The following GLG1 variants were observed in gnomAD, a reference collection of about 807,000 sequenced individuals.
GLG1 encodes golgi glycoprotein 1.
Under a neutral mutation model 160.5 loss-of-function variants are expected in GLG1, and 38 were observed. That is an observed-to-expected ratio of 0.24 (90% confidence interval 0.18 to 0.31). The LOEUF (loss-of-function observed/expected upper bound fraction) is 0.31. Ranked by LOEUF, GLG1 falls within the 10% of genes least tolerant of loss-of-function variation. The pLI is 1.00. For missense variants in GLG1, 1,373 were observed against 1,505.2 expected (o/e 0.91, Z 1.45); for synonymous variants, 644 against 543.4 (o/e 1.19, Z -2.57).
intron 22 of GLG1, among the ~76,000 whole-genome samples, chr16:74,461,034 C>CT (rs1410859999): frequency 6.6e-6 from 1 of 152,168 alleles, no homozygotes; most frequent in Non-Finnish European, 1.5e-5. Flanking sequence ...TATGAGTGAG[C>CT]TTTTTTGTAA....
intron 1 of GLG1, among the ~76,000 whole-genome samples, chr16:74,559,055 T>C (rs997935606): frequency 6.6e-5 from 10 of 152,072 alleles, no homozygotes; most frequent in African/African-American, 2.4e-4. Context: ...TGACTCATTT[T>C]TTAGATTTTT....
intron 1 of GLG1, among the ~76,000 whole-genome samples, chr16:74,580,695 C>T (rs1015238486): frequency 1.3e-5 from 2 of 152,002 alleles, no homozygotes; most frequent in African/African-American, 4.8e-5. Flanking sequence ...AAGTTGAAGA[C>T]GACCAAATCA....
intron 4 of GLG1, among the ~76,000 whole-genome samples, chr16:74,498,906 T>A (rs889873011): frequency 3.0e-5 from 4 of 134,906 alleles, no homozygotes; most frequent in Non-Finnish European, 6.3e-5. Context: ...TAAAACCAAG[T>A]AGCGTAACAT....
At chr16:74,506,838 CA>C (rs976274284) in intron 3 of GLG1, among the ~76,000 whole-genome samples, 4 of 151,800 alleles carry the variant, frequency 2.6e-5, no homozygotes, top group African/African-American at 9.7e-5. Context: ...AGATGAACAG[CA>C]AAAAAGGGGC....
chr16:74,549,384 C>A (rs2018137106), intron 1 of GLG1, among the ~76,000 whole-genome samples: 1 of 152,052 alleles, frequency 6.6e-6, no homozygotes, highest in African/African-American at 2.4e-5. Context: ...AGCTCCGCCT[C>A]CTGGGTTCAC....
rs368590337 is a variant in GLG1, at chr16:74,458,046, G to C, written c.3145-52C>G. 5 of 1,585,920 alleles carry C rather than the reference G, an allele frequency of 3.2e-6. No homozygotes were observed. The African/African-American group carries it at 5.4e-5, about 17-fold the overall frequency. On this transcript the variant is annotated intron_variant, in intron 23 of 25. Transcript: ENST00000422840. ...GAGCTTTTGAAGGGGAAATGCATCA[G>C]ATCTGTTGTCTGTAAATACTTCATA... is the stretch of plus-strand genomic sequence containing the variant.
chr16:74,588,980 G>A (rs1401377096), intron 1 of GLG1, among the ~76,000 whole-genome samples: 2 of 151,372 alleles, frequency 1.3e-5, no homozygotes, highest in African/African-American at 2.4e-5. Context: ...GGTGGCTCAT[G>A]CTTGTAATGC....
chr16:74,595,150 T>G (rs368201723), intron 1 of GLG1, among the ~76,000 whole-genome samples: 72 of 150,706 alleles, frequency 4.8e-4, no homozygotes, highest in African/African-American at 1.7e-3. Context: ...ATCGCGCCAC[T>G]GCAATCTAGC....
At position 74,466,706 on chromosome 16, in the gene GLG1, T is replaced by G. The variant is rs140904997; in HGVS notation, c.2530-893A>C. ...AATAAGAATCAAGAATAGGTAGTTA[T>G]GAAAAGAAGCAATGAGAAAGCTAGG... On this transcript the variant is annotated intron_variant, in intron 18 of 25. Transcript: ENST00000422840. Among the ~76,000 whole-genome samples, 271 of 152,196 alleles carry G rather than the reference T, an allele frequency of 1.8e-3. 2 individuals are homozygous for G. The South Asian group carries it at 0.025, about 14-fold the overall frequency.
At position 74,453,340 on chromosome 16, in the gene GLG1, A is replaced by T; in HGVS notation, c.3373-6T>A. On this transcript the variant is annotated splice_region_variant and splice_polypyrimidine_tract_variant and intron_variant, in intron 25 of 25. Coordinates refer to ENST00000422840, the MANE Select transcript of GLG1 (RefSeq NM_001145667.2). Reference sequence around the variant, plus strand: ...AAGCCATCTGCTGGGGCCACCTAGAATGACACAAGGCAATGTGATTCTCTG... The same window carrying T: ...AAGCCATCTGCTGGGGCCACCTAGATTGACACAAGGCAATGTGATTCTCTG... The T allele has an allele frequency of 1.9e-6, 3 of 1,602,794 alleles. No individual in the cohort carries two copies. The highest frequency in any genetic ancestry group is 2.6e-6 in the Non-Finnish European group (3 of 1,169,818).
chr16:74,573,818 G>A (rs961111706), intron 1 of GLG1, among the ~76,000 whole-genome samples: 6 of 150,922 alleles, frequency 4.0e-5, no homozygotes, highest in African/African-American at 1.2e-4. Flanking sequence ...TTTTTAAACG[G>A]GGTCTCACTC....
Position 74,447,818 on chromosome 16 carries a change from G to C in GLG1, c.*5349C>G, listed in dbSNP as rs2014127999. The C allele has an allele frequency of 1.3e-5, 2 of 152,278 alleles. No individual in the cohort carries two copies. Among genetic ancestry groups the C allele is most frequent in the African/African-American group, 4.8e-5 (2 of 41,472 alleles). The allele number at this position is 152,278 out of a possible 1,614,324, so 9.4% of individuals were successfully genotyped here. A position where few individuals can be genotyped will look rare whatever the true frequency, so the allele number is the denominator to read the frequency against. On this transcript the variant is annotated 3_prime_UTR_variant, in exon 26 of 26. Transcript: ENST00000422840. The stretch of plus-strand genomic sequence containing the variant: ...AGTGCACTGCAGGGGGACCTGGAGG[G>C]CCCATTTCTACCACCCTAGCATGTC...
Position 74,472,499 on chromosome 16 carries a change from C to A in GLG1, c.2053-88G>T. 3 of 1,345,084 alleles carry A rather than the reference C, an allele frequency of 2.2e-6. No individual in the cohort carries two copies. In the Middle Eastern group the frequency reaches 5.6e-4, roughly 251 times the overall value. 83.3% of individuals were successfully genotyped at this position (1,345,084 alleles called of 1,614,324 possible). Reference sequence around the variant, plus strand: ...GTTTCTCTTTCTGAATCAGTAATATCTGATGGGCAAATAATCTAATACATA... The same window carrying A: ...GTTTCTCTTTCTGAATCAGTAATATATGATGGGCAAATAATCTAATACATA... On this transcript the variant is annotated intron_variant, in intron 13 of 25. Transcript: ENST00000422840.
intron 3 of GLG1, among the ~76,000 whole-genome samples, chr16:74,506,607 C>CAAAAA (rs1567489940): frequency 2.4e-4 from 31 of 126,610 alleles, no homozygotes; most frequent in East Asian, 7.0e-4. Context: ...AAAAAAAACT[C>CAAAAA]AAGAGAAACC....
chr16:74,538,111 G>C (rs892274371), intron 1 of GLG1, among the ~76,000 whole-genome samples: 2 of 150,666 alleles, frequency 1.3e-5, no homozygotes, highest in South Asian at 4.3e-4. Flanking sequence ...TAAAGGAATA[G>C]GGTCCTTTTT....
chr16:74,479,737 G>A (rs2015530555), intron 11 of GLG1, among the ~76,000 whole-genome samples: 1 of 152,178 alleles, frequency 6.6e-6, no homozygotes, highest in Non-Finnish European at 1.5e-5. Flanking sequence ...AGCAGCCGAT[G>A]CTGCCGAGAC....
chr16:74,489,752 C>T (rs2015916684), intron 8 of GLG1, among the ~76,000 whole-genome samples: 1 of 152,182 alleles, frequency 6.6e-6, no homozygotes, highest in Non-Finnish European at 1.5e-5. Context: ...CCATGGGATG[C>T]ATAGACACGC....
At chr16:74,577,139 T>A (rs1358088732) in intron 1 of GLG1, among the ~76,000 whole-genome samples, 1 of 152,204 alleles carries the variant, frequency 6.6e-6, no homozygotes, top group Non-Finnish European at 1.5e-5. Flanking sequence ...TTGCCTAGGC[T>A]GGTCTCAAAC....
Position 74,566,962 on chromosome 16 carries a change from C to G in GLG1, c.439-34809G>C, listed in dbSNP as rs1271755536. ...TGAATGAAAAGTATATATAGTCACG[C>G]AAAGAATATAGATATCAGAGGAGAA... On this transcript the variant is annotated intron_variant, in intron 1 of 25. Transcript: ENST00000422840. Among the ~76,000 whole-genome samples, 2 of 152,006 alleles carry G rather than the reference C, an allele frequency of 1.3e-5. 1 individual carries two copies. Among genetic ancestry groups the G allele is most frequent in the East Asian group, 3.8e-4 (2 of 5,198 alleles).
Sources: allele counts gnomAD v4.1 joint callset (sites outside exome capture counted in the v4.1 genomes callset), GRCh38; gene constraint gnomAD v4.1.1; transcripts MANE v1.5; gene names NCBI Gene and HGNC (gene_info 2026-07-23, HGNC 2026-07-21).